The following NEB variants were observed in gnomAD, a reference collection of about 807,000 sequenced individuals.
The protein encoded by NEB is nebulin, also known as nemaline myopathy type 2.
A neutral mutation model predicts 952.2 loss-of-function variants in NEB; 512 were observed. That is an observed-to-expected ratio of 0.54 (90% confidence interval 0.50 to 0.58). The LOEUF (loss-of-function observed/expected upper bound fraction) is 0.58, where lower values mean the gene tolerates loss of function less well. Among genes scored for constraint, NEB ranks in the 20% least tolerant of loss-of-function variants. NEB has a pLI of 0.00. For missense variants in NEB, 8,428 were observed against 9,231.1 expected (o/e 0.91, Z 3.56); for synonymous variants, 2,900 against 3,149.8 (o/e 0.92, Z 2.66).
intron 43 of NEB, 55 bp from the exon 44 acceptor site, chr2:151,664,663 G>A: frequency 1.3e-6 from 2 of 1,535,498 alleles, no homozygotes; most frequent in East Asian, 4.7e-5. Context: ...TAGAATAGAG[G>A]TCCTGACTAC....
chr2:151,657,363 T>C (rs777142573), intron 48 of NEB, among the ~76,000 whole-genome samples: 39 of 152,170 alleles, frequency 2.6e-4, no homozygotes, highest in Non-Finnish European at 5.0e-4. Flanking sequence ...GGATTTCTTG[T>C]GGAAACAACC....
intron 175 of NEB, 118 bp from the exon 176 acceptor site, chr2:151,493,563 G>A (rs1246253333): frequency 1.1e-5 from 8 of 740,244 alleles, no homozygotes; most frequent in Non-Finnish European, 1.7e-5. Flanking sequence ...TGAAGGTAAA[G>A]CTATTAAAAT....
Position 151,485,934 on chromosome 2 carries a change from C to T in NEB, c.25405-1G>A. The T allele has an allele frequency of 6.2e-7, 1 of 1,613,582 alleles. No individual in the cohort carries two copies. Among genetic ancestry groups the T allele is most frequent in the Non-Finnish European group, 8.5e-7 (1 of 1,179,740 alleles). On this transcript the variant is annotated splice_acceptor_variant, in intron 181 of 181. Coordinates refer to ENST00000397345, the MANE Select transcript of NEB (RefSeq NM_001164508.2). LOFTEE classifies it high-confidence loss of function. ...AGTCATACATGGCACGGAAGATTTT[C>T]TATTCGTGGGGATGGAAAAGGGGAA...
chr2:151,525,408 T>C (rs906698356), intron 150 of NEB, 135 bp from the exon 151 acceptor site: 31 of 648,712 alleles, frequency 4.8e-5, no homozygotes, highest in African/African-American at 1.3e-4. Flanking sequence ...ATAAGACCCA[T>C]ATTCTAGTTC....
At chr2:151,566,316 C>G (rs886676735) in intron 114 of NEB, among the ~76,000 whole-genome samples, 1 of 152,134 alleles carries the variant, frequency 6.6e-6, no homozygotes, top group Non-Finnish European at 1.5e-5. Flanking sequence ...CTTGCCCTTA[C>G]GCCTTCAAGA....
In NEB at chr2:151,697,260, G is replaced by C. The variant is rs1054288744; in HGVS notation, c.1366-8C>G. Reference sequence around the variant, plus strand: ...TTCTGCTTTGTAGTTTTTCTATGAGGAGAAGAAATTAGGCATAAGATGCAG... The same window carrying C: ...TTCTGCTTTGTAGTTTTTCTATGAGCAGAAGAAATTAGGCATAAGATGCAG... On this transcript the variant is annotated splice_region_variant and splice_polypyrimidine_tract_variant and intron_variant, in intron 15 of 181. Coordinates refer to ENST00000397345, the MANE Select transcript of NEB (RefSeq NM_001164508.2). The C allele has an allele frequency of 6.2e-7, 1 of 1,612,790 alleles. No individual in the cohort carries two copies. Among genetic ancestry groups the C allele is most frequent in the East Asian group, 2.2e-5 (1 of 44,860 alleles).
At position 151,640,336 on chromosome 2, in the gene NEB, T is replaced by C. The variant is rs753746154; in HGVS notation, c.8685+19A>G. 6.2e-7 allele frequency: 1 copy of C among 1,609,230 alleles called. No homozygotes were observed. The highest frequency in any genetic ancestry group is 1.1e-5 in the South Asian group (1 of 90,980). On this transcript the variant is annotated intron_variant, in intron 61 of 181. Coordinates refer to ENST00000397345, the MANE Select transcript of NEB (RefSeq NM_001164508.2). ...ATAATTTCCCACCTCTGCACGTTAT[T>C]ATGACTCTCAGTACTCACATCGCTC...
chr2:151,517,468 A>T (rs2078452114), intron 156 of NEB, among the ~76,000 whole-genome samples: 1 of 152,232 alleles, frequency 6.6e-6, no homozygotes, highest in Non-Finnish European at 1.5e-5. Context: ...GTGATATAGG[A>T]GGTCATGTGA....
At chr2:151,698,194 C>T (rs1272335723) in intron 13 of NEB, among the ~76,000 whole-genome samples, 1 of 152,162 alleles carries the variant, frequency 6.6e-6, no homozygotes, top group African/African-American at 2.4e-5. Flanking sequence ...ACATTCCAAA[C>T]TCAAAAAAAT....
In NEB at chr2:151,540,462, G is replaced by A. The variant is rs2153567639; in HGVS notation, c.20788-14C>T. 3 of 1,527,648 alleles carry A rather than the reference G, an allele frequency of 2.0e-6. No individual in the cohort carries two copies. Among genetic ancestry groups the A allele is most frequent in the Non-Finnish European group, 2.7e-6 (3 of 1,124,472 alleles). The allele number at this position is 1,527,648 out of a possible 1,614,324, so 94.6% of individuals were successfully genotyped here. ...CTTGTACTTTTTCTGAGAAATAAAT[G>A]CAGAAGAGAGAGACAAGCTTAAGTG... is the stretch of plus-strand genomic sequence containing the variant. On this transcript the variant is annotated splice_polypyrimidine_tract_variant and intron_variant, in intron 137 of 181. Transcript: ENST00000397345.
intron 145 of NEB, chr2:151,530,694 T>C: frequency 3.7e-6 from 1 of 267,710 alleles, no homozygotes; most frequent in South Asian, 1.2e-4. Flanking sequence ...TCCTGTCTCG[T>C]CTACACAATA....
chr2:151,551,307 A>G (rs1302534083), intron 129 of NEB, among the ~76,000 whole-genome samples: 1 of 152,174 alleles, frequency 6.6e-6, no homozygotes, highest in Non-Finnish European at 1.5e-5. Context: ...AAATAACATG[A>G]AAAGTTGAGA....
intron 161 of NEB, among the ~76,000 whole-genome samples, chr2:151,511,834 G>A (rs1427401031): frequency 6.6e-6 from 1 of 152,076 alleles, no homozygotes; most frequent in Non-Finnish European, 1.5e-5. Context: ...GTTTGAGATT[G>A]GTAATCCAAA....
chr2:151,654,068 A>G lies in NEB; in HGVS notation c.6839T>C (p.Leu2280Ser). The G allele has an allele frequency of 6.2e-7, 1 of 1,610,746 alleles. No homozygotes were observed. The change falls in exon 52 of 182, where the codon TTG becomes TCG. Residue 2280 changes from leucine (L) to serine (S), a missense_variant. By Grantham distance (145) the Leu-to-Ser change is moderately radical. Around this residue, in one of 11 missense-constraint regions of NEB, gnomAD observed 2,851 missense variants for 2,791.5 expected, o/e 1.02. Transcript: ENST00000397345. Reference sequence around the variant, plus strand: ...AACTGGGAGATCATAGCCTTTCTTCAAAGCTTCTTCCCATCCAAGTTTATA... The same window carrying G: ...AACTGGGAGATCATAGCCTTTCTTCGAAGCTTCTTCCCATCCAAGTTTATA... ...KLYKLGWEEA[L>S]KKGYDLPVDA...
At chr2:151,528,170 T>G (rs1161177338) in intron 146 of NEB, among the ~76,000 whole-genome samples, 1 of 152,208 alleles carries the variant, frequency 6.6e-6, no homozygotes, top group Non-Finnish European at 1.5e-5. Context: ...GGGGCTTGCA[T>G]GCTTCCTAGA....
At position 151,568,333 on chromosome 2, in the gene NEB, C is replaced by T. The variant is rs2096501862; in HGVS notation, c.17719G>A (p.Ala5907Thr). The change falls in exon 112 of 182, where the codon GCT becomes ACT. Residue 5907 changes from alanine to threonine, a missense_variant. Around this residue, in one of 11 missense-constraint regions of NEB, gnomAD observed 3,374 missense variants for 3,651.5 expected, o/e 0.92. Coordinates refer to ENST00000397345, the MANE Select transcript of NEB (RefSeq NM_001164508.2). ...ACCCATACCTGGTCCAGTATCCTAG[C>T]AGCCTCCTGGGCAGTGTGCAGCAGG... ...TPLLHTAQEA[A>T]RILDQYLYKE... 1.9e-6 allele frequency: 3 copies of T among 1,613,428 alleles called. No individual in the cohort carries two copies. The African/African-American group carries it at 4.0e-5, about 22-fold the overall frequency.
chr2:151,518,926 G>A, intron 155 of NEB, 39 bp downstream of exon 155: 1 of 1,434,552 alleles, frequency 7.0e-7, no homozygotes, highest in Non-Finnish European at 9.8e-7. Flanking sequence ...TTCCAAATGG[G>A]TAAAACAAGC....
chr2:151,545,892 C>T lies in NEB; in HGVS notation c.20573G>A (p.Ser6858Asn). 6.3e-7 allele frequency: 1 copy of T among 1,591,508 alleles called. No homozygotes were observed. Among genetic ancestry groups the T allele is most frequent in the South Asian group, 1.1e-5 (1 of 89,202 alleles). The change falls in exon 135 of 182, where the codon AGT (serine) becomes AAT (asparagine). Residue 6858 changes from serine (S) to asparagine (N), a missense_variant. Transcript: ENST00000397345. Reference protein sequence around the residue: ...RKVQELKTHLSELVYRAAGKK... With the variant: ...RKVQELKTHLNELVYRAAGKK... The stretch of plus-strand genomic sequence containing the variant: ...TGACAAGTAAAGCGTCCTTACCTCA[C>T]TCAGATGTGTCTTCAGTTCTTGCAC...
chr2:151,709,811 G>A, intron 11 of NEB, 48 bp from the exon 12 acceptor site: 7 of 1,382,268 alleles, frequency 5.1e-6, no homozygotes, highest in Non-Finnish European at 7.1e-6. Context: ...AATGAACTAT[G>A]CAAGAATTTC....
Sources: allele counts gnomAD v4.1 joint callset (sites outside exome capture counted in the v4.1 genomes callset), GRCh38; gene constraint gnomAD v4.1.1; regional missense constraint gnomAD v4.1.1; transcripts MANE v1.5; gene names NCBI Gene and HGNC (gene_info 2026-07-23, HGNC 2026-07-21).